Variants in GLIS3 observed in about 807,000 individuals in gnomAD.
GLIS3 encodes zinc finger protein GLIS3.
GLIS3 carries 53 observed loss-of-function variants against 78.6 expected under a neutral mutation model. That is an observed-to-expected ratio of 0.67 (90% confidence interval 0.54 to 0.85). The LOEUF (loss-of-function observed/expected upper bound fraction) is 0.85, where lower values mean the gene tolerates loss of function less well. Among genes scored for constraint, GLIS3 ranks in the 40% least tolerant of loss-of-function variants. The probability of loss-of-function intolerance (pLI) is 0.00; values close to 1 mark genes in which losing one functional copy is unlikely to be tolerated. For synonymous variants in GLIS3, 684 were observed against 509.9 expected, an observed-to-expected ratio of 1.34 and a Z score of -4.60; for missense variants, 1,703 against 1,231.1, an observed-to-expected ratio of 1.38 and a Z score of -5.74.
At chr9:4,296,157 T>C (rs1053912567) in intron 1 of GLIS3, among the ~76,000 whole-genome samples, 4 of 152,140 alleles carry the variant, frequency 2.6e-5, no homozygotes, top group Admixed American at 6.5e-5. Flanking sequence ...TCAAGAAGTA[T>C]GTATTCTATA....
chr9:3,876,049 CTTAGT>C (rs1483170724), intron 8 of GLIS3, among the ~76,000 whole-genome samples: 2 of 152,150 alleles, frequency 1.3e-5, no homozygotes, highest in Non-Finnish European at 2.9e-5. Flanking sequence ...ACTTTATCTA[CTTAGT>C]TTATTTAATC....
intron 2 of GLIS3, among the ~76,000 whole-genome samples, chr9:4,248,716 G>C (rs762315474): frequency 2.6e-5 from 4 of 152,166 alleles, no homozygotes; most frequent in Non-Finnish European, 4.4e-5. Flanking sequence ...CAGTGTAAAA[G>C]CATTCCTATT....
At chr9:4,178,614 T>A (rs1817007593) in intron 2 of GLIS3, among the ~76,000 whole-genome samples, 1 of 152,152 alleles carries the variant, frequency 6.6e-6, no homozygotes, top group Admixed American at 6.5e-5. Context: ...AGTGCAAATA[T>A]AACCCCTGAC....
the GLIS3 span, among the ~76,000 whole-genome samples, chr9:4,411,390 G>T: frequency 6.6e-6 from 1 of 152,174 alleles, no homozygotes; most frequent in African/African-American, 2.4e-5. Flanking sequence ...ATTACCGGCA[G>T]TACTGGGTTA....
chr9:4,174,711 C>T (rs1023987651), intron 2 of GLIS3, among the ~76,000 whole-genome samples: 5 of 152,180 alleles, frequency 3.3e-5, no homozygotes, highest in Admixed American at 6.5e-5. Flanking sequence ...GCTTTTAAAT[C>T]CCGTGCTGCA....
At chr9:4,199,432 C>G (rs921775356) in intron 2 of GLIS3, among the ~76,000 whole-genome samples, 1 of 149,838 alleles carries the variant, frequency 6.7e-6, no homozygotes, top group Non-Finnish European at 1.5e-5. Context: ...ATAAAACAGA[C>G]TTTTATAACA....
Position 3,898,815 on chromosome 9 carries a change from G to C in GLIS3, c.2004C>G (p.Leu668=), listed in dbSNP as rs1344486629. 27 of 1,614,040 alleles carry C rather than the reference G, an allele frequency of 1.7e-5. No individual in the cohort carries two copies. Among genetic ancestry groups the C allele is most frequent in the Non-Finnish European group, 2.0e-5 (24 of 1,180,036 alleles). Reference sequence around the variant, plus strand: ...GGCAATCTGTGAGCAGGTCTGGATGGAGCTCTGTGCTGGACCGCAACTAAG... The same window carrying C: ...GGCAATCTGTGAGCAGGTCTGGATGCAGCTCTGTGCTGGACCGCAACTAAG... ...ARKKLRSSTE[L]HPDLLTDCLT... The change falls in exon 7 of 11, where the codon CTC becomes CTG. Residue 668 remains leucine (L), a synonymous_variant. Transcript: ENST00000381971.
At chr9:3,835,694 G>C (rs112242280) in intron 9 of GLIS3, among the ~76,000 whole-genome samples, 113 of 152,328 alleles carry the variant, frequency 7.4e-4, no homozygotes, top group Admixed American at 3.4e-3. Flanking sequence ...GATTAACAGA[G>C]ACCATCCAAT....
At chr9:4,059,682 T>A (rs1826459770) in intron 4 of GLIS3, among the ~76,000 whole-genome samples, 1 of 152,134 alleles carries the variant, frequency 6.6e-6, no homozygotes, top group South Asian at 2.1e-4. Context: ...TTAGTTAAGT[T>A]GGGCTACTTT....
At chr9:4,484,978 A>G in the GLIS3 span, among the ~76,000 whole-genome samples, 14 of 131,904 alleles carry the variant, frequency 1.1e-4, 1 homozygote, top group South Asian at 3.4e-3. Flanking sequence ...TCATTATTGT[A>G]GAACCTAAGA....
the GLIS3 span, among the ~76,000 whole-genome samples, chr9:4,439,541 A>T: frequency 6.6e-6 from 1 of 152,136 alleles, no homozygotes; most frequent in Admixed American, 6.5e-5. Flanking sequence ...GTGATTGATT[A>T]TATATCCTTT....
intron 2 of GLIS3, among the ~76,000 whole-genome samples, chr9:4,254,176 G>A (rs942906065): frequency 6.6e-6 from 1 of 152,136 alleles, no homozygotes; most frequent in African/African-American, 2.4e-5. Context: ...TAACAGGCTA[G>A]GCATAAAGTG....
chr9:3,984,307 C>A (rs1008699192), intron 4 of GLIS3, among the ~76,000 whole-genome samples: 15 of 152,242 alleles, frequency 9.9e-5, no homozygotes, highest in Non-Finnish European at 1.8e-4. Context: ...ACGCTATACC[C>A]CGCAAAGCCA....
chr9:4,352,984 C>G (rs1817994098), upstream of GLIS3, among the ~76,000 whole-genome samples: 1 of 152,172 alleles, frequency 6.6e-6, no homozygotes, highest in African/African-American at 2.4e-5. Flanking sequence ...TTCAGGGTTC[C>G]AGACCTCAGT....
chr9:4,342,922 A>G (rs1384607055), intron 2 of GLIS3, among the ~76,000 whole-genome samples: 2 of 152,218 alleles, frequency 1.3e-5, no homozygotes, highest in Non-Finnish European at 2.9e-5. Context: ...TAGAAATGCT[A>G]CTGATTTTTG....
intron 6 of GLIS3, among the ~76,000 whole-genome samples, chr9:3,910,394 G>C (rs1824053642): frequency 6.6e-6 from 1 of 152,128 alleles, no homozygotes; most frequent in South Asian, 2.1e-4. Flanking sequence ...CTGTCACCCA[G>C]GATGGAGTGC....
chr9:4,301,335 C>T (rs559225401), upstream of GLIS3, among the ~76,000 whole-genome samples: 1 of 152,272 alleles, frequency 6.6e-6, no homozygotes, highest in South Asian at 2.1e-4. Flanking sequence ...TACAAGTATT[C>T]AAGCCCAAGA....
At chr9:4,274,841 G>C (rs760134379) in intron 2 of GLIS3, among the ~76,000 whole-genome samples, 4 of 152,134 alleles carry the variant, frequency 2.6e-5, no homozygotes, top group Non-Finnish European at 4.4e-5. Context: ...GGAGTGCCCT[G>C]TACATTTCTA....
At chr9:4,470,886 G>C in the GLIS3 span, among the ~76,000 whole-genome samples, 3 of 151,992 alleles carry the variant, frequency 2.0e-5, no homozygotes, top group Admixed American at 2.0e-4. Context: ...TCCTTAAGCT[G>C]ATAAGCAACT....
Sources: allele counts gnomAD v4.1 joint callset (sites outside exome capture counted in the v4.1 genomes callset), GRCh38; gene constraint gnomAD v4.1.1; transcripts MANE v1.5; gene names NCBI Gene and HGNC (gene_info 2026-07-23, HGNC 2026-07-21).